The following ULK4 variants were observed in gnomAD, a reference collection of about 807,000 sequenced individuals.
ULK4 encodes the protein unc-51 like kinase 4.
A neutral mutation model predicts 160.6 loss-of-function variants in ULK4; 133 were observed. The observed-to-expected ratio is 0.83, with a 90% CI of 0.72 to 0.96. ULK4 has a LOEUF of 0.96. ULK4 is among the 40% of genes least tolerant of loss of function. The pLI is 0.00. For synonymous variants in ULK4, 534 were observed against 539.8 expected (o/e 0.99, Z 0.15); for missense variants, 1,580 against 1,499.5 (o/e 1.05, Z -0.89).
chr3:41,951,429 T>C (rs1241862522), intron 2 of ULK4, among the ~76,000 whole-genome samples: 3 of 149,950 alleles, frequency 2.0e-5, no homozygotes, highest in African/African-American at 7.3e-5. Context: ...AAACACACAC[T>C]TCCTGATTCC....
intron 2 of ULK4, among the ~76,000 whole-genome samples, chr3:41,945,025 TG>T (rs1326358842): frequency 4.6e-5 from 7 of 152,324 alleles, no homozygotes; most frequent in South Asian, 4.1e-4. Context: ...GAATTGATTA[TG>T]GGAAGTTCCT....
intron 29 of ULK4, among the ~76,000 whole-genome samples, chr3:41,665,641 A>C (rs1485324491): frequency 1.3e-5 from 2 of 152,236 alleles, no homozygotes; most frequent in East Asian, 1.9e-4. Context: ...AATGAAAAAA[A>C]TCAATCTTAG....
At chr3:41,271,100 C>G (rs530227771) in intron 35 of ULK4, among the ~76,000 whole-genome samples, 1 of 152,088 alleles carries the variant, frequency 6.6e-6, no homozygotes, top group Non-Finnish European at 1.5e-5. Context: ...ATATAGTAAA[C>G]TATACAATTT....
At chr3:41,416,855 G>T (rs941460127) in intron 34 of ULK4, among the ~76,000 whole-genome samples, 4 of 152,120 alleles carry the variant, frequency 2.6e-5, no homozygotes, top group Non-Finnish European at 5.9e-5. Context: ...ACAGCATTTG[G>T]GCATGAAAGA....
At chr3:41,643,483 T>C (rs1042007558) in intron 30 of ULK4, among the ~76,000 whole-genome samples, 3 of 152,222 alleles carry the variant, frequency 2.0e-5, no homozygotes, top group African/African-American at 7.2e-5. Flanking sequence ...CTCAGGTTTG[T>C]CAAAGATCAG....
At chr3:41,960,946 C>T (rs1399260914) in intron 1 of ULK4, among the ~76,000 whole-genome samples, 1 of 152,100 alleles carries the variant, frequency 6.6e-6, no homozygotes, top group East Asian at 1.9e-4. Flanking sequence ...CAATCACCAC[C>T]CCTCCTGATC....
intron 35 of ULK4, among the ~76,000 whole-genome samples, chr3:41,271,033 C>A (rs1327734221): frequency 6.6e-6 from 1 of 152,192 alleles, no homozygotes; most frequent in African/African-American, 2.4e-5. Context: ...GTCTTTCTCA[C>A]ATTCTACTCT....
chr3:41,271,984 G>T (rs2371488), intron 35 of ULK4, among the ~76,000 whole-genome samples: 85,376 of 151,848 alleles, frequency 0.56, 25,995 homozygotes, highest in African/African-American at 0.82. Flanking sequence ...TGGCATGATC[G>T]CGGCTCACTG....
intron 21 of ULK4, among the ~76,000 whole-genome samples, chr3:41,755,067 T>G (rs915381034): frequency 2.0e-5 from 3 of 152,220 alleles, no homozygotes; most frequent in African/African-American, 7.2e-5. Flanking sequence ...TACTTTCCCT[T>G]TTAAAAGACA....
At chr3:41,839,797 A>T (rs2041859023) in intron 17 of ULK4, among the ~76,000 whole-genome samples, 1 of 152,142 alleles carries the variant, frequency 6.6e-6, no homozygotes, top group South Asian at 2.1e-4. Context: ...GGCAATAAAC[A>T]CATGGAAACT....
In ULK4 at chr3:41,729,032, A is replaced by G. The variant is rs577793978; in HGVS notation, c.2322-11171T>C. ...CCTGATACTCATGACCCCAACTCCT[A>G]CAAAAAAAGACCAAAACAATGAATA... On this transcript the variant is annotated intron_variant, in intron 22 of 36. Coordinates refer to ENST00000301831, the MANE Select transcript of ULK4 (RefSeq NM_017886.4). 2.0e-5 allele frequency among the ~76,000 whole-genome samples: 3 copies of G among 152,278 alleles called. No individual in the cohort carries two copies. In the South Asian group the frequency reaches 6.2e-4, roughly 32 times the overall value.
chr3:41,425,766 G>A (rs549295241), intron 34 of ULK4, among the ~76,000 whole-genome samples: 23 of 152,146 alleles, frequency 1.5e-4, no homozygotes, highest in Non-Finnish European at 3.4e-4. Flanking sequence ...CTTTGCAAGA[G>A]CTCCTGAAGG....
At chr3:41,606,416 G>A (rs966112448) in intron 31 of ULK4, among the ~76,000 whole-genome samples, 8 of 151,798 alleles carry the variant, frequency 5.3e-5, no homozygotes, top group African/African-American at 1.4e-4. Context: ...TATTGTGAAC[G>A]GGGTTGCAAT....
At chr3:41,287,301 A>C (rs2079479112) in intron 35 of ULK4, among the ~76,000 whole-genome samples, 1 of 152,214 alleles carries the variant, frequency 6.6e-6, no homozygotes, top group South Asian at 2.1e-4. Context: ...AGGAAGAAGA[A>C]ACTTTCTGTT....
intron 4 of ULK4, among the ~76,000 whole-genome samples, chr3:41,933,952 C>T (rs1056583712): frequency 2.0e-5 from 3 of 151,994 alleles, no homozygotes; most frequent in Non-Finnish European, 1.5e-5. Flanking sequence ...GCAGGAGAAT[C>T]GCTTGAACCT....
chr3:41,780,488 A>G (rs2039802365), intron 21 of ULK4, among the ~76,000 whole-genome samples: 1 of 152,132 alleles, frequency 6.6e-6, no homozygotes, highest in Non-Finnish European at 1.5e-5. Context: ...AGACTACCCA[A>G]GATCACATTT....
intron 17 of ULK4, among the ~76,000 whole-genome samples, chr3:41,845,339 T>C (rs2042044807): frequency 6.6e-6 from 1 of 151,982 alleles, no homozygotes; most frequent in Non-Finnish European, 1.5e-5. Context: ...TTCACAGCAA[T>C]AAAAATGAAC....
intron 34 of ULK4, among the ~76,000 whole-genome samples, chr3:41,450,962 A>T (rs552251351): frequency 2.0e-5 from 3 of 152,314 alleles, no homozygotes; most frequent in Admixed American, 1.3e-4. Context: ...ATCAAGTTAC[A>T]AGTAACTGGA....
At chr3:41,742,838 G>A (rs2038287441) in intron 22 of ULK4, among the ~76,000 whole-genome samples, 1 of 151,808 alleles carries the variant, frequency 6.6e-6, no homozygotes, top group Admixed American at 6.6e-5. Context: ...AACCTCACTG[G>A]ATAAGCTCAA....
Sources: gnomAD v4.1 joint callset for allele counts (sites outside exome capture counted in the v4.1 genomes callset) on GRCh38, gnomAD v4.1.1 for gene constraint, MANE v1.5 for transcripts, NCBI Gene and HGNC (gene_info 2026-07-23, HGNC 2026-07-21) for gene names.